The following MRAP2 variants were observed in gnomAD, a reference collection of about 807,000 sequenced individuals.
MRAP2 encodes melanocortin-2 receptor accessory protein 2.
MRAP2 carries 20 observed loss-of-function variants against 17.4 expected under a neutral mutation model. That is an observed-to-expected ratio of 1.15 (90% CI 0.81 to 1.67). The LOEUF (loss-of-function observed/expected upper bound fraction) is 1.67, where lower values mean the gene tolerates loss of function less well. MRAP2 is among the 40% of genes most tolerant of loss of function. The probability of loss-of-function intolerance (pLI) is 0.00; values close to 1 mark genes in which losing one functional copy is unlikely to be tolerated. For synonymous variants in MRAP2, 96 were observed against 88.4 expected (o/e 1.09, Z -0.48); for missense variants, 238 against 240.0 (o/e 0.99, Z 0.05).
chr6:84,140,802 A>G, the MRAP2 span, among the ~76,000 whole-genome samples: 1 of 152,166 alleles, frequency 6.6e-6, no homozygotes, highest in African/African-American at 2.4e-5. Flanking sequence ...TAGGATTTAC[A>G]GGCGTGAGTC....
the MRAP2 span, among the ~76,000 whole-genome samples, chr6:84,119,065 A>G: frequency 6.6e-6 from 1 of 152,012 alleles, no homozygotes; most frequent in African/African-American, 2.4e-5. Flanking sequence ...GTGATAATAT[A>G]CTGTTTTGAT....
chr6:84,117,057 C>T, the MRAP2 span, among the ~76,000 whole-genome samples: 1 of 150,682 alleles, frequency 6.6e-6, no homozygotes, highest in South Asian at 2.1e-4. Context: ...GAGTCTTGCT[C>T]TGTTGCCCAG....
intron 3 of MRAP2, among the ~76,000 whole-genome samples, chr6:84,077,905 TTAGA>T (rs1262839342): frequency 2.6e-5 from 4 of 152,198 alleles, no homozygotes; most frequent in Admixed American, 2.6e-4. Context: ...TGCTGTCCAG[TTAGA>T]TAGCCACTGG....
At chr6:84,118,681 A>C in the MRAP2 span, among the ~76,000 whole-genome samples, 1 of 152,032 alleles carries the variant, frequency 6.6e-6, no homozygotes, top group Non-Finnish European at 1.5e-5. Flanking sequence ...GGCAGGCTCT[A>C]CCCTGTTGCC....
the MRAP2 span, among the ~76,000 whole-genome samples, chr6:84,114,378 A>G: frequency 5.3e-5 from 8 of 151,936 alleles, no homozygotes; most frequent in African/African-American, 1.9e-4. Context: ...TTGACTATTG[A>G]TATTTGTGTA....
At chr6:84,131,585 C>T in the MRAP2 span, among the ~76,000 whole-genome samples, 1 of 152,160 alleles carries the variant, frequency 6.6e-6, no homozygotes, top group Admixed American at 6.5e-5. Context: ...GAATTGATCC[C>T]TTTACCATTA....
the MRAP2 span, among the ~76,000 whole-genome samples, chr6:84,122,352 C>CAAAAA: frequency 1.5e-3 from 56 of 36,134 alleles, 4 homozygotes; most frequent in African/African-American, 4.3e-3. Flanking sequence ...ACAGCACATC[C>CAAAAA]AAAAAAAAAA....
Position 84,036,093 on chromosome 6 carries a change from G to A in MRAP2, c.-8+2210G>A, listed in dbSNP as rs556344979. Among the ~76,000 whole-genome samples, 16 of 151,250 alleles carry A rather than the reference G, an allele frequency of 1.1e-4. No homozygotes were observed. In the East Asian group the frequency reaches 3.1e-3, roughly 29 times the overall value. ...AGCTATGATATTTGGAAGATTACCA[G>A]ATAATGCCTCATTGTGTCATTTTCT... On this transcript the variant is annotated intron_variant, in intron 1 of 3. Coordinates refer to ENST00000257776, the MANE Select transcript of MRAP2 (RefSeq NM_138409.4).
the MRAP2 span, among the ~76,000 whole-genome samples, chr6:84,108,264 A>G: frequency 2.6e-5 from 4 of 152,176 alleles, no homozygotes; most frequent in Admixed American, 2.0e-4. Context: ...AGAAATTGCC[A>G]CATTGGTTGA....
chr6:84,081,895 T>C (rs13205748), intron 3 of MRAP2, among the ~76,000 whole-genome samples: 2 of 152,226 alleles, frequency 1.3e-5, no homozygotes, highest in Non-Finnish European at 2.9e-5. Context: ...CCATGTAAGA[T>C]GTGCCTTGCT....
chr6:84,112,514 C>T, the MRAP2 span, among the ~76,000 whole-genome samples: 2 of 152,106 alleles, frequency 1.3e-5, no homozygotes, highest in African/African-American at 4.8e-5. Context: ...ATTAGTCTGG[C>T]TAGCAGTCTA....
intron 1 of MRAP2, among the ~76,000 whole-genome samples, chr6:84,042,908 AAC>A (rs1457009440): frequency 6.6e-6 from 1 of 152,214 alleles, no homozygotes; most frequent in Non-Finnish European, 1.5e-5. Context: ...ATTTCTGTGG[AAC>A]AGAGCTGGAA....
At chr6:84,086,698 G>A (rs1379416820) in intron 3 of MRAP2, among the ~76,000 whole-genome samples, 5 of 152,172 alleles carry the variant, frequency 3.3e-5, no homozygotes, top group Non-Finnish European at 7.3e-5. Context: ...CCAGAAGGGA[G>A]GGGGTGGCCA....
the MRAP2 span, among the ~76,000 whole-genome samples, chr6:84,138,621 A>AG: frequency 6.6e-6 from 1 of 152,218 alleles, no homozygotes; most frequent in East Asian, 1.9e-4. Flanking sequence ...GCTTTCTAGT[A>AG]GTGAGGCTTA....
the MRAP2 span, among the ~76,000 whole-genome samples, chr6:84,117,816 G>A: frequency 2.0e-5 from 3 of 152,154 alleles, no homozygotes; most frequent in African/African-American, 7.2e-5. Context: ...AGTGAAGGCT[G>A]TGAAACAGCA....
At chr6:84,115,723 A>T in the MRAP2 span, among the ~76,000 whole-genome samples, 1 of 152,286 alleles carries the variant, frequency 6.6e-6, no homozygotes, top group East Asian at 1.9e-4. Flanking sequence ...CACCGCAGGG[A>T]ATCTCCTGGT....
chr6:84,047,520 A>G (rs951347513), intron 1 of MRAP2, among the ~76,000 whole-genome samples: 4 of 152,252 alleles, frequency 2.6e-5, no homozygotes, highest in Non-Finnish European at 4.4e-5. Context: ...AAACAATATT[A>G]GAACTTTTTT....
chr6:84,109,689 T>C, the MRAP2 span, among the ~76,000 whole-genome samples: 1 of 152,096 alleles, frequency 6.6e-6, no homozygotes, highest in African/African-American at 2.4e-5. Flanking sequence ...GCCATAATTG[T>C]TTGCTGTACC....
the MRAP2 span, among the ~76,000 whole-genome samples, chr6:84,140,500 T>C: frequency 3.9e-5 from 6 of 152,094 alleles, no homozygotes; most frequent in East Asian, 1.9e-4. Context: ...CCGGCAACCA[T>C]GGTTAAGCTA....
Sources: allele counts gnomAD v4.1 joint callset (sites outside exome capture counted in the v4.1 genomes callset), GRCh38; gene constraint gnomAD v4.1.1; transcripts MANE v1.5; gene names NCBI Gene and HGNC (gene_info 2026-07-23, HGNC 2026-07-21).